The following GPR180 variants were observed in gnomAD, a reference collection of about 807,000 sequenced individuals.
The protein encoded by GPR180 is integral membrane protein GPR180.
GPR180 carries 53 observed loss-of-function variants against 52.6 expected under a neutral mutation model. The ratio of observed to expected loss-of-function variants is 1.01; its 90% CI spans 0.81 to 1.27. The LOEUF (loss-of-function observed/expected upper bound fraction) is 1.27, where lower values mean the gene tolerates loss of function less well. Ranked by LOEUF, GPR180 falls within the 50% of genes most tolerant of loss-of-function variation. GPR180 has a pLI of 0.00. For missense variants in GPR180, 533 were observed against 527.0 expected, an observed-to-expected ratio of 1.01 and a Z score of -0.11; for synonymous variants, 200 against 193.1, an observed-to-expected ratio of 1.04 and a Z score of -0.30.
intron 2 of GPR180, among the ~76,000 whole-genome samples, chr13:94,611,052 A>T (rs1443155474): frequency 6.6e-6 from 1 of 152,198 alleles, no homozygotes; most frequent in Non-Finnish European, 1.5e-5. Flanking sequence ...TCTTCATTTT[A>T]CAGATGAAGA....
At chr13:94,611,636 G>A (rs1342985484) in intron 2 of GPR180, among the ~76,000 whole-genome samples, 4 of 152,028 alleles carry the variant, frequency 2.6e-5, no homozygotes, top group Non-Finnish European at 4.4e-5. Context: ...TGCTGGTTGT[G>A]TCCTTCATCA....
At chr13:94,626,238 G>A (rs886974166) in intron 8 of GPR180, among the ~76,000 whole-genome samples, 195 bp downstream of exon 8, 1 of 151,978 alleles carries the variant, frequency 6.6e-6, no homozygotes, top group African/African-American at 2.4e-5. Flanking sequence ...TAAGCAAAAT[G>A]GTGGAAATAG....
Position 94,625,973 on chromosome 13 carries a change from T to C in GPR180, c.1094T>C (p.Ile365Thr). ...CTTTTTCCTTTGTTTCAGGGCTGTA[T>C]CTTGTGGTTTTTATGCCATCCAGTT... ...EFYITFAKGC[I>T]LWFLCHPVLA... The change falls in exon 8 of 9, where the codon ATC (isoleucine) becomes ACC (threonine). Residue 365 changes from isoleucine to threonine, a missense_variant. Transcript: ENST00000376958. 6.2e-7 allele frequency: 1 copy of C among 1,611,892 alleles called. No homozygotes were observed. Among genetic ancestry groups the C allele is most frequent in the Non-Finnish European group, 8.5e-7 (1 of 1,178,430 alleles).
chr13:94,601,906 C>T lies in GPR180; in HGVS notation c.-22C>T, dbSNP rs553956399. 36 of 1,408,628 alleles carry T rather than the reference C, an allele frequency of 2.6e-5. No homozygotes were observed. Among genetic ancestry groups the T allele is most frequent in the African/African-American group, 1.6e-4 (11 of 66,864 alleles). 87.3% of individuals were successfully genotyped at this position (1,408,628 alleles called of 1,614,324 possible). On this transcript the variant is annotated 5_prime_UTR_variant, in exon 1 of 9. Coordinates refer to ENST00000376958, the MANE Select transcript of GPR180 (RefSeq NM_180989.6). ...CGCCGGCGGCTGGGAGCCGAGGCGT[C>T]GGTGCAGACCTGGAGACGGGCATGG...
chr13:94,604,935 C>T (rs1051155565), intron 1 of GPR180, among the ~76,000 whole-genome samples: 1 of 152,062 alleles, frequency 6.6e-6, no homozygotes, highest in African/African-American at 2.4e-5. Flanking sequence ...AATATGTCTA[C>T]CCCAGAACAC....
chr13:94,607,239 C>T (rs1889644719), intron 2 of GPR180, among the ~76,000 whole-genome samples: 1 of 152,214 alleles, frequency 6.6e-6, no homozygotes, highest in Non-Finnish European at 1.5e-5. Context: ...TCGACAGTCT[C>T]CTACGTGGTT....
intron 2 of GPR180, among the ~76,000 whole-genome samples, chr13:94,610,701 C>G (rs1889691658): frequency 6.6e-6 from 1 of 152,206 alleles, no homozygotes; most frequent in Non-Finnish European, 1.5e-5. Context: ...TTGCACCAAC[C>G]TAATAGTTTT....
At chr13:94,623,785 T>C (rs951606371) in intron 7 of GPR180, among the ~76,000 whole-genome samples, 2 of 152,214 alleles carry the variant, frequency 1.3e-5, no homozygotes, top group African/African-American at 2.4e-5. Flanking sequence ...ATGTAGGTAT[T>C]ATCCCTATTT....
In GPR180 at chr13:94,627,177, G is replaced by C; in HGVS notation, c.*6G>C. On this transcript the variant is annotated 3_prime_UTR_variant, in exon 9 of 9. Coordinates refer to ENST00000376958, the MANE Select transcript of GPR180 (RefSeq NM_180989.6). Reference sequence around the variant, plus strand: ...AAAGTCGCCCTCATTTCTGATACTTGATTTTTGTTGAGAGGAAAAGTGAAT... The same window carrying C: ...AAAGTCGCCCTCATTTCTGATACTTCATTTTTGTTGAGAGGAAAAGTGAAT... 1 of 1,610,604 alleles carries C rather than the reference G, an allele frequency of 6.2e-7. No homozygotes were observed. Among genetic ancestry groups the C allele is most frequent in the Admixed American group, 1.7e-5 (1 of 59,624 alleles).
chr13:94,627,529 T>A lies in GPR180; in HGVS notation c.*358T>A, dbSNP rs1418803654. ...GGTTTAATAGTCTTATAAAAAGTAA[T>A]CAGTTAAATGATTACTTGCTTATAA... On this transcript the variant is annotated 3_prime_UTR_variant, in exon 9 of 9. Coordinates refer to ENST00000376958, the MANE Select transcript of GPR180 (RefSeq NM_180989.6). 4.6e-6 allele frequency: 1 copy of A among 215,260 alleles called. No individual in the cohort carries two copies. The highest frequency in any genetic ancestry group is 9.1e-6 in the Non-Finnish European group (1 of 110,478). 13.3% of individuals were successfully genotyped at this position (215,260 alleles called of 1,614,324 possible). A position where few individuals can be genotyped will look rare whatever the true frequency, so the allele number is the denominator to read the frequency against.
chr13:94,605,365 T>C (rs544297302), intron 1 of GPR180, 26 bp from the exon 2 acceptor site: 5 of 1,612,844 alleles, frequency 3.1e-6, no homozygotes, highest in African/African-American at 1.3e-5. Flanking sequence ...ACCAAACTAG[T>C]TGATGATTTT....
chr13:94,621,173 C>T lies in GPR180; in HGVS notation c.832C>T (p.Pro278Ser), dbSNP rs1889847232. 6.2e-7 allele frequency: 1 copy of T among 1,612,130 alleles called. No homozygotes were observed. Among genetic ancestry groups the T allele is most frequent in the Admixed American group, 1.7e-5 (1 of 59,152 alleles). ...IVRMKKSQSR[P>S]LQWDSTPAST... The stretch of plus-strand genomic sequence containing the variant: ...CAGAATGAAGAAGTCTCAAAGCAGA[C>T]CTCTCCAGTGGGATTCTACGCCTGC... Residue 278 changes from proline (P) to serine (S), a missense_variant, in exon 6 of 9, where the codon CCT becomes TCT. By Grantham distance (74) the Pro-to-Ser change is moderately conservative. Coordinates refer to ENST00000376958, the MANE Select transcript of GPR180 (RefSeq NM_180989.6).
chr13:94,626,953 T>C, intron 8 of GPR180, 60 bp from the exon 9 acceptor site: 1 of 1,193,404 alleles, frequency 8.4e-7, no homozygotes, highest in Admixed American at 2.4e-5. Flanking sequence ...TCATAATAAA[T>C]TGAATATTAT....
At chr13:94,616,451 C>T (rs779230241) in intron 3 of GPR180, among the ~76,000 whole-genome samples, 1 of 152,166 alleles carries the variant, frequency 6.6e-6, no homozygotes, top group Admixed American at 6.5e-5. Flanking sequence ...ACCCTTTCCC[C>T]TTAGGCTCTC....
intron 8 of GPR180, among the ~76,000 whole-genome samples, chr13:94,626,615 A>G (rs981423827): frequency 4.6e-5 from 7 of 152,178 alleles, no homozygotes; most frequent in Admixed American, 4.6e-4. Context: ...AAAAATAGAG[A>G]AGCAACTTGA....
chr13:94,625,774 C>T (rs1409288874), intron 7 of GPR180, among the ~76,000 whole-genome samples, 192 bp from the exon 8 acceptor site: 1 of 152,048 alleles, frequency 6.6e-6, no homozygotes, highest in African/African-American at 2.4e-5. Context: ...TCCAAAAATA[C>T]TCATTTGGTT....
chr13:94,625,917 G>GA (rs754772914), intron 7 of GPR180, 49 bp from the exon 8 acceptor site: 11 of 1,452,250 alleles, frequency 7.6e-6, no homozygotes, highest in South Asian at 2.4e-5. Context: ...GGTACATGCT[G>GA]AAAAAAAGCT....
intron 2 of GPR180, among the ~76,000 whole-genome samples, chr13:94,608,737 C>CTT (rs1222568865): frequency 2.0e-5 from 3 of 152,112 alleles, no homozygotes; most frequent in African/African-American, 7.2e-5. Flanking sequence ...ATTAATGAGA[C>CTT]TTAAGAGTTA....
In GPR180 at chr13:94,619,156, A is replaced by C. The variant is rs143335777; in HGVS notation, c.512A>C (p.His171Pro). The C allele has an allele frequency of 1.2e-6, 2 of 1,613,640 alleles. No individual in the cohort carries two copies. The highest frequency in any genetic ancestry group is 1.1e-5 in the South Asian group (1 of 90,986). Residue 171 changes from histidine (H) to proline (P), a missense_variant, in exon 4 of 9, where the codon CAT (histidine) becomes CCT (proline). His to Pro is a moderately conservative substitution (Grantham distance 77). Transcript: ENST00000376958. ...CCCTTTCTTCTCTTCACAGGGTTAC[A>C]TGAGTTCTTTTTCCTCCTAGTCCTA... Reference protein sequence around the residue: ...DHFSAGESGLHEFFFLLVLVY... With the variant: ...DHFSAGESGLPEFFFLLVLVY...
Sources: gnomAD v4.1 joint callset for allele counts (sites outside exome capture counted in the v4.1 genomes callset) on GRCh38, gnomAD v4.1.1 for gene constraint, MANE v1.5 for transcripts, NCBI Gene and HGNC (gene_info 2026-07-23, HGNC 2026-07-21) for gene names.